Variants in IHO1 observed in about 807,000 individuals in gnomAD.
The protein encoded by IHO1 is interactor of HORMAD1 1.
In IHO1, 13 loss-of-function variants were observed where a neutral mutation model predicts 31.0. That is an observed-to-expected ratio of 0.42 (90% CI 0.27 to 0.67). IHO1 has a LOEUF of 0.67. Among genes scored for constraint, IHO1 ranks in the 30% least tolerant of loss-of-function variants. IHO1 has a pLI of 0.24. For missense variants in IHO1, 599 were observed against 687.5 expected (o/e 0.87, Z 1.44); for synonymous variants, 221 against 248.4 (o/e 0.89, Z 1.04).
At chr3:49,196,206 G>A (rs1202312828), upstream of IHO1, among the ~76,000 whole-genome samples, 1 of 143,436 alleles carries the variant, frequency 7.0e-6, no homozygotes, top group Non-Finnish European at 1.5e-5. Context: ...ACTCCAGCCT[G>A]GGCGACAGTA....
upstream of IHO1, among the ~76,000 whole-genome samples, chr3:49,194,883 G>A (rs1442846820): frequency 6.6e-6 from 1 of 151,672 alleles, no homozygotes; most frequent in Non-Finnish European, 1.5e-5. Context: ...GAGACAGAAT[G>A]AGACCCCGTC....
At chr3:49,215,073 T>G (rs557726010) in intron 2 of IHO1, among the ~76,000 whole-genome samples, 1 of 149,752 alleles carries the variant, frequency 6.7e-6, no homozygotes, top group African/African-American at 2.5e-5. Context: ...TTTTTTGAGA[T>G]GGAGTCTCAC....
At position 49,256,014 on chromosome 3, in the gene IHO1, G is replaced by A. The variant is rs945397387; in HGVS notation, c.637-120G>A. The stretch of plus-strand genomic sequence containing the variant: ...AGTGTAATTGTGCTTACCCTGAGAG[G>A]TTCCCTACAAGGAGCAAGCCTTGGT... On this transcript the variant is annotated intron_variant, in intron 7 of 7. Coordinates refer to ENST00000452691, the MANE Select transcript of IHO1 (RefSeq NM_001135197.2). The surrounding 1 kb of genome is among the most constrained non-coding windows in gnomAD (Gnocchi z 4.6). The A allele has an allele frequency of 1.2e-5, 10 of 851,866 alleles. No individual in the cohort carries two copies. The highest frequency in any genetic ancestry group is 2.3e-5 in the Admixed American group (1 of 42,626). The allele number at this position is 851,866 out of a possible 1,614,324, so 52.8% of individuals were successfully genotyped here.
At chr3:49,213,935 C>G in intron 2 of IHO1, 1 of 412,986 alleles carries the variant, frequency 2.4e-6, no homozygotes. Flanking sequence ...CCAGAGTGGA[C>G]GCCAAGGCCA....
intron 6 of IHO1, among the ~76,000 whole-genome samples, chr3:49,247,247 TG>T (rs1379652702): frequency 9.9e-5 from 15 of 150,948 alleles, no homozygotes; most frequent in Admixed American, 4.0e-4. Context: ...TTTGTTTTTT[TG>T]AGATGGAGTC....
At chr3:49,237,190 A>G (rs2046570182) in intron 3 of IHO1, among the ~76,000 whole-genome samples, 1 of 152,068 alleles carries the variant, frequency 6.6e-6, no homozygotes, top group Non-Finnish European at 1.5e-5. Flanking sequence ...TCTACTAAAA[A>G]TACAAAAATT....
chr3:49,197,282 G>A (rs940167910), upstream of IHO1, among the ~76,000 whole-genome samples: 22 of 150,788 alleles, frequency 1.5e-4, no homozygotes, highest in Admixed American at 6.6e-4. Flanking sequence ...GAGCCACCAT[G>A]CCCAGGCCAT....
At chr3:49,218,776 A>G (rs909290290) in intron 2 of IHO1, among the ~76,000 whole-genome samples, 2 of 152,170 alleles carry the variant, frequency 1.3e-5, no homozygotes, top group Non-Finnish European at 2.9e-5. Context: ...TTGCATGCCA[A>G]ACTTGCTGAG....
chr3:49,194,011 T>A (rs2045981633), upstream of IHO1, among the ~76,000 whole-genome samples: 1 of 149,308 alleles, frequency 6.7e-6, no homozygotes, highest in Non-Finnish European at 1.5e-5. Flanking sequence ...GGCTCACGTC[T>A]GTAGCCCCAG....
chr3:49,238,281 G>C (rs2046584798), intron 3 of IHO1, among the ~76,000 whole-genome samples: 1 of 144,460 alleles, frequency 6.9e-6, no homozygotes, highest in Non-Finnish European at 1.5e-5. Flanking sequence ...ACTAAATGTA[G>C]TTTTGTTTTG....
intron 2 of IHO1, among the ~76,000 whole-genome samples, chr3:49,233,523 G>A (rs1292037408): frequency 1.7e-4 from 26 of 152,220 alleles, no homozygotes; most frequent in Non-Finnish European, 7.3e-5. Flanking sequence ...CATTGAAATA[G>A]ATAAAGACAC....
chr3:49,194,276 A>G (rs916189347), upstream of IHO1, among the ~76,000 whole-genome samples: 15 of 129,912 alleles, frequency 1.2e-4, 1 homozygote, highest in African/African-American at 4.0e-4. Flanking sequence ...CTCAAAAAAA[A>G]AAAAAAGTAC....
intron 6 of IHO1, 31 bp downstream of exon 6, chr3:49,244,764 A>T: frequency 6.4e-7 from 1 of 1,554,238 alleles, no homozygotes; most frequent in Non-Finnish European, 8.9e-7. Context: ...GTATCAGCAG[A>T]GGGCACTGGT....
intron 1 of IHO1, among the ~76,000 whole-genome samples, chr3:49,201,210 G>T (rs1399423048): frequency 1.3e-5 from 2 of 151,884 alleles, no homozygotes; most frequent in Non-Finnish European, 1.5e-5. Flanking sequence ...AGCCAGGATG[G>T]TCTCGATCTC....
chr3:49,227,409 T>C (rs546282750), intron 2 of IHO1, among the ~76,000 whole-genome samples: 12 of 152,302 alleles, frequency 7.9e-5, no homozygotes, highest in South Asian at 2.1e-4. Context: ...TTGGTTTGTT[T>C]GTTTCTACCC....
chr3:49,251,651 G>A (rs2046760980), intron 6 of IHO1, among the ~76,000 whole-genome samples: 1 of 150,402 alleles, frequency 6.6e-6, no homozygotes, highest in South Asian at 2.1e-4. Flanking sequence ...GCCCAGGCTG[G>A]AGTGCAATGG....
chr3:49,225,280 A>G (rs1281816281), intron 2 of IHO1, among the ~76,000 whole-genome samples: 1 of 152,184 alleles, frequency 6.6e-6, no homozygotes, highest in Non-Finnish European at 1.5e-5. Context: ...CCTGACCAAC[A>G]TGGTGAAACC....
intron 6 of IHO1, among the ~76,000 whole-genome samples, chr3:49,249,250 A>T (rs949307452): frequency 6.6e-5 from 10 of 152,088 alleles, no homozygotes; most frequent in African/African-American, 2.4e-4. Flanking sequence ...AATTATAAAA[A>T]GAACTAGAAG....
chr3:49,233,578 GTTGT>G (rs1480785141), intron 2 of IHO1, among the ~76,000 whole-genome samples: 1 of 152,188 alleles, frequency 6.6e-6, no homozygotes, highest in African/African-American at 2.4e-5. Context: ...TTTAATCTGT[GTTGT>G]TTGTCTTTGT....
Sources: gnomAD v4.1 joint callset for allele counts (sites outside exome capture counted in the v4.1 genomes callset) on GRCh38, gnomAD v4.1.1 for gene constraint, Gnocchi (gnomAD v3.1) non-coding constraint, MANE v1.5 for transcripts, NCBI Gene and HGNC (gene_info 2026-07-23, HGNC 2026-07-21) for gene names.